The following MED21 variants were observed in gnomAD, a reference collection of about 807,000 sequenced individuals.
MED21 encodes mediator of RNA polymerase II transcription subunit 21.
Under a neutral mutation model 18.2 loss-of-function variants are expected in MED21, and 9 were observed. The observed-to-expected ratio is 0.49, with a 90% confidence interval of 0.30 to 0.86. The LOEUF is 0.86. MED21 is among the 40% of genes least tolerant of loss of function. The probability of loss-of-function intolerance (pLI) is 0.07; values close to 1 mark genes in which losing one functional copy is unlikely to be tolerated. For missense variants in MED21, 150 were observed against 170.9 expected, an observed-to-expected ratio of 0.88 and a Z score of 0.68; for synonymous variants, 73 against 60.5, an observed-to-expected ratio of 1.21 and a Z score of -0.96.
intron 2 of MED21, chr12:27,037,913 A>G (rs1187732312): frequency 1.3e-5 from 2 of 152,268 alleles, no homozygotes; most frequent in Non-Finnish European, 2.9e-5. Flanking sequence ...ATAATATTCA[A>G]AATCCATTTA....
downstream of MED21, among the ~76,000 whole-genome samples, chr12:27,035,310 G>A (rs1324678545): frequency 6.6e-6 from 1 of 151,926 alleles, no homozygotes; most frequent in Non-Finnish European, 1.5e-5. Context: ...TGCTAAATAT[G>A]CGGTTTCTTT....
At chr12:27,023,648 A>C (rs945389068) in intron 1 of MED21, among the ~76,000 whole-genome samples, 3 of 152,122 alleles carry the variant, frequency 2.0e-5, no homozygotes, top group African/African-American at 7.2e-5. Flanking sequence ...TTAAAGGCCA[A>C]GTCTAGTAAG....
rs1424127506 is a variant in MED21, at chr12:27,026,417, A to C, written c.43-3A>C. 1.1e-5 allele frequency: 18 copies of C among 1,602,594 alleles called. No homozygotes were observed. The East Asian group carries it at 3.6e-4, about 32-fold the overall frequency. Reference sequence around the variant, plus strand: ...AACCTTGATATGTTTTCTTTGGCCTAAGCTTGCAGATCAGTTTTGTAATGC... The same window carrying C: ...AACCTTGATATGTTTTCTTTGGCCTCAGCTTGCAGATCAGTTTTGTAATGC... On this transcript the variant is annotated splice_polypyrimidine_tract_variant and splice_region_variant and intron_variant, in intron 1 of 3. Transcript: ENST00000282892.
intron 2 of MED21, among the ~76,000 whole-genome samples, chr12:27,036,649 C>T (rs995449848): frequency 4.5e-4 from 69 of 152,164 alleles, no homozygotes; most frequent in Non-Finnish European, 9.1e-4. Flanking sequence ...TTTCAGCTTT[C>T]TACATATGGC....
rs796448365 is a variant in MED21 at position 27,030,296 on chromosome 12, AT to A, written c.*1845del. On this transcript the variant is annotated 3_prime_UTR_variant, in exon 4 of 4. Coordinates refer to ENST00000282892, the MANE Select transcript of MED21 (RefSeq NM_004264.5). ...AGGCATGTACTACCACGTCCAGCTA[AT>A]TTTTTTTTTCTTTTTTTTTTAGAGA... 6.3e-4 allele frequency: 292 copies of A among 461,588 alleles called. No individual in the cohort carries two copies. The highest frequency in any genetic ancestry group is 1.7e-3 in the South Asian group (46 of 26,358). 28.6% of individuals were successfully genotyped at this position (461,588 alleles called of 1,614,324 possible).
downstream of MED21, among the ~76,000 whole-genome samples, chr12:27,034,384 T>G (rs1360217078): frequency 6.6e-6 from 1 of 152,114 alleles, no homozygotes; most frequent in Non-Finnish European, 1.5e-5. Flanking sequence ...ATCACGCCAT[T>G]GCACTCCAGC....
intron 1 of MED21, chr12:27,022,956 G>A: frequency 8.8e-7 from 1 of 1,136,856 alleles, no homozygotes; most frequent in Non-Finnish European, 1.1e-6. Context: ...GTGCTTACGG[G>A]TTCTCTTTCT....
intron 2 of MED21, among the ~76,000 whole-genome samples, chr12:27,036,184 G>A (rs542394403): frequency 6.6e-6 from 1 of 152,302 alleles, no homozygotes; most frequent in South Asian, 2.1e-4. Context: ...TTTCTCTGAT[G>A]GCCAGTGATG....
At chr12:27,032,444 A>G (rs999317188), downstream of MED21, among the ~76,000 whole-genome samples, 1 of 152,164 alleles carries the variant, frequency 6.6e-6, no homozygotes, top group African/African-American at 2.4e-5. Context: ...TCCCCTATAC[A>G]CAAATGCCAG....
intron 1 of MED21, among the ~76,000 whole-genome samples, chr12:27,023,801 C>CT (rs144839405): frequency 0.094 from 14,090 of 149,934 alleles, 796 homozygotes; most frequent in Non-Finnish European, 0.13. Context: ...TTGGCGATAA[C>CT]TTTTTTTTTT....
intron 1 of MED21, among the ~76,000 whole-genome samples, chr12:27,025,581 A>G (rs762892940): frequency 6.6e-6 from 1 of 152,232 alleles, no homozygotes; most frequent in African/African-American, 2.4e-5. Flanking sequence ...TAGTATTAGC[A>G]GAATATGAAG....
downstream of MED21, among the ~76,000 whole-genome samples, chr12:27,034,403 C>A (rs1427055971): frequency 6.6e-6 from 1 of 152,094 alleles, no homozygotes; most frequent in African/African-American, 2.4e-5. Context: ...GCCTGGGCAA[C>A]AAGGGCAAAA....
intron 2 of MED21, chr12:27,038,637 C>T (rs1166522314): frequency 6.6e-6 from 1 of 152,188 alleles, no homozygotes; most frequent in Non-Finnish European, 1.5e-5. Context: ...AAATACTGTA[C>T]ACCAGTCTCT....
chr12:27,023,981 A>G (rs1222976563), intron 1 of MED21, among the ~76,000 whole-genome samples: 1 of 152,208 alleles, frequency 6.6e-6, no homozygotes, highest in Non-Finnish European at 1.5e-5. Flanking sequence ...GCATCACCAC[A>G]AGCACTAAGG....
At chr12:27,030,880 C>G (rs1227922695), downstream of MED21, 1 of 152,212 alleles carries the variant, frequency 6.6e-6, no homozygotes, top group African/African-American at 2.4e-5. Flanking sequence ...TAACTACATC[C>G]TAACTCCCGT....
At chr12:27,027,573 A>G in intron 3 of MED21, 126 bp downstream of exon 3, 1 of 641,384 alleles carries the variant, frequency 1.6e-6, no homozygotes, top group Non-Finnish European at 2.7e-6. Context: ...ACAGTAATTT[A>G]TAAAGAACAG....
intron 1 of MED21, among the ~76,000 whole-genome samples, chr12:27,026,162 G>A (rs1941542273): frequency 6.6e-6 from 1 of 152,030 alleles, no homozygotes; most frequent in South Asian, 2.1e-4. Flanking sequence ...AGATTATTTT[G>A]TATTTCAACT....
chr12:27,026,358 C>A, intron 1 of MED21, 62 bp from the exon 2 acceptor site: 1 of 969,262 alleles, frequency 1.0e-6, no homozygotes, highest in Non-Finnish European at 1.6e-6. Flanking sequence ...GTTGCCATTA[C>A]CAATAAAGTC....
chr12:27,028,083 T>C (rs930432385), intron 3 of MED21, among the ~76,000 whole-genome samples: 1 of 152,226 alleles, frequency 6.6e-6, no homozygotes, highest in Non-Finnish European at 1.5e-5. Flanking sequence ...CACTTAAAGA[T>C]ATCTAGAGAT....
Sources: allele counts gnomAD v4.1 joint callset (sites outside exome capture counted in the v4.1 genomes callset), GRCh38; gene constraint gnomAD v4.1.1; transcripts MANE v1.5; gene names NCBI Gene and HGNC (gene_info 2026-07-23, HGNC 2026-07-21).